The following GLRA1 variants were observed in gnomAD, a reference collection of about 807,000 sequenced individuals.
The protein encoded by GLRA1 is glycine receptor alpha 1.
A neutral mutation model predicts 48.3 loss-of-function variants in GLRA1; 37 were observed. The observed-to-expected ratio is 0.77, with a 90% CI of 0.59 to 1.01. GLRA1 has a LOEUF of 1.01. Ranked by LOEUF, GLRA1 falls within the 50% of genes least tolerant of loss-of-function variation. The pLI, the probability that GLRA1 is intolerant of heterozygous loss-of-function variation, is 0.00. For missense variants in GLRA1, 427 were observed against 571.0 expected (o/e 0.75, Z 2.57); for synonymous variants, 196 against 210.7 (o/e 0.93, Z 0.60).
intron 3 of GLRA1, among the ~76,000 whole-genome samples, chr5:151,862,041 C>T (rs555845671): frequency 9.9e-5 from 15 of 152,248 alleles, no homozygotes; most frequent in East Asian, 1.9e-4. Context: ...TACTATAAGA[C>T]GACAGTAACC....
intron 3 of GLRA1, among the ~76,000 whole-genome samples, chr5:151,864,246 G>A (rs1753276953): frequency 6.6e-6 from 1 of 152,140 alleles, no homozygotes; most frequent in Non-Finnish European, 1.5e-5. Flanking sequence ...AGCCCCAGCT[G>A]CACTTTTGAT....
intron 1 of GLRA1, among the ~76,000 whole-genome samples, chr5:151,919,965 G>A (rs1046103784): frequency 6.6e-6 from 1 of 152,248 alleles, no homozygotes; most frequent in South Asian, 2.1e-4. Context: ...GCGCGAACAG[G>A]CTGCCTGGAG....
intron 3 of GLRA1, among the ~76,000 whole-genome samples, chr5:151,878,624 C>G (rs1362131277): frequency 2.6e-5 from 4 of 152,162 alleles, no homozygotes; most frequent in Non-Finnish European, 5.9e-5. Flanking sequence ...TGTGTGCGGT[C>G]TAGAGACTTG....
In GLRA1 at chr5:151,822,855, TG is replaced by T. The variant is rs1763175523; in HGVS notation, c.1167del (p.Asn389LysfsTer82). On this transcript the variant is annotated frameshift_variant, in exon 9 of 9. Coordinates refer to ENST00000274576, the MANE Select transcript of GLRA1 (RefSeq NM_000171.4). LOFTEE classifies it high-confidence loss of function. The stretch of plus-strand genomic sequence containing the variant: ...GATGGTGCAGGAGGGGGGTTGGTGG[TG>T]TTACTGTTGTTGGCGCCCTTGACTG... ...GISVKGANNS[N>X]TTNPPPAPSK... 1.9e-6 allele frequency: 3 copies of T among 1,614,108 alleles called. No homozygotes were observed. The East Asian group carries it at 6.7e-5, about 36-fold the overall frequency.
chr5:151,902,863 AT>A (rs1754396236), intron 1 of GLRA1, among the ~76,000 whole-genome samples: 1 of 152,192 alleles, frequency 6.6e-6, no homozygotes. Flanking sequence ...GTCCATAGAG[AT>A]TAAATAATTT....
intron 3 of GLRA1, among the ~76,000 whole-genome samples, chr5:151,879,568 C>G (rs1308668410): frequency 1.3e-5 from 2 of 152,108 alleles, no homozygotes; most frequent in African/African-American, 4.8e-5. Flanking sequence ...CTAGCCTGGT[C>G]TTGAACTCCT....
chr5:151,843,754 C>T (rs1027600737), intron 7 of GLRA1, among the ~76,000 whole-genome samples: 1 of 152,104 alleles, frequency 6.6e-6, no homozygotes, highest in Non-Finnish European at 1.5e-5. Flanking sequence ...AATTGAGAGT[C>T]CAGAAGTAAG....
At chr5:151,910,071 C>T (rs1269426848) in intron 1 of GLRA1, among the ~76,000 whole-genome samples, 14 of 152,196 alleles carry the variant, frequency 9.2e-5, no homozygotes, top group Admixed American at 9.2e-4. Context: ...AGCACAATGA[C>T]TTCTGTGGGA....
At chr5:151,885,713 A>G (rs6896664) in intron 3 of GLRA1, among the ~76,000 whole-genome samples, 39,290 of 152,004 alleles carry the variant, frequency 0.26, 5,229 homozygotes, top group South Asian at 0.39. Flanking sequence ...AGAGGGAGGA[A>G]ATGAAGCAGG....
chr5:151,887,060 C>T (rs185438444), intron 2 of GLRA1, among the ~76,000 whole-genome samples: 28 of 152,276 alleles, frequency 1.8e-4, no homozygotes, highest in Non-Finnish European at 3.1e-4. Context: ...ATTCATCAGC[C>T]GCCATATGGT....
intron 4 of GLRA1, among the ~76,000 whole-genome samples, chr5:151,858,941 T>C (rs974404803): frequency 6.6e-6 from 1 of 152,186 alleles, no homozygotes; most frequent in Non-Finnish European, 1.5e-5. Context: ...GGGCATCAGA[T>C]TCACACTAAT....
At chr5:151,849,460 C>CT (rs199535578) in intron 7 of GLRA1, among the ~76,000 whole-genome samples, 263 of 49,776 alleles carry the variant, frequency 5.3e-3, no homozygotes, top group Middle Eastern at 8.6e-3. Context: ...CCTTTCCTTC[C>CT]TTCCTTCCTT....
chr5:151,918,214 G>A (rs1027833418), intron 1 of GLRA1, among the ~76,000 whole-genome samples: 1 of 152,168 alleles, frequency 6.6e-6, no homozygotes, highest in African/African-American at 2.4e-5. Flanking sequence ...GCATCTCTGG[G>A]CATTGTTCCC....
chr5:151,906,059 C>T (rs559509205), intron 1 of GLRA1, among the ~76,000 whole-genome samples: 8 of 152,142 alleles, frequency 5.3e-5, no homozygotes, highest in South Asian at 2.1e-4. Flanking sequence ...CTGATTCTGC[C>T]GTTTATTAGC....
chr5:151,849,956 A>G, intron 7 of GLRA1: 1 of 1,584,548 alleles, frequency 6.3e-7, no homozygotes, highest in Non-Finnish European at 8.6e-7. Flanking sequence ...TAAGGACCCT[A>G]CAAGCTGGTG....
At chr5:151,883,856 A>C (rs1030517695) in intron 3 of GLRA1, among the ~76,000 whole-genome samples, 3 of 152,004 alleles carry the variant, frequency 2.0e-5, no homozygotes, top group African/African-American at 7.3e-5. Flanking sequence ...GTGTCTAATT[A>C]CTCTGCTACA....
At chr5:151,912,324 G>C (rs1754638415) in intron 1 of GLRA1, among the ~76,000 whole-genome samples, 1 of 136,570 alleles carries the variant, frequency 7.3e-6, no homozygotes, top group South Asian at 2.3e-4. Flanking sequence ...ACCTTTAACT[G>C]AGGTAAGTCC....
At chr5:151,922,825 G>A (rs1754913133) in intron 1 of GLRA1, among the ~76,000 whole-genome samples, 1 of 152,160 alleles carries the variant, frequency 6.6e-6, no homozygotes, top group South Asian at 2.1e-4. Flanking sequence ...GAGTGTGTGT[G>A]GGGAGAAAGA....
chr5:151,840,701 G>T (rs2113315245), intron 7 of GLRA1, among the ~76,000 whole-genome samples: 1 of 148,324 alleles, frequency 6.7e-6, no homozygotes, highest in East Asian at 2.0e-4. Context: ...GTAACCAAAA[G>T]AGGCCTTTAG....
Sources: allele counts gnomAD v4.1 joint callset (sites outside exome capture counted in the v4.1 genomes callset), GRCh38; gene constraint gnomAD v4.1.1; transcripts MANE v1.5; gene names NCBI Gene and HGNC (gene_info 2026-07-23, HGNC 2026-07-21).